Variants in LCP2 observed in about 807,000 individuals in gnomAD.
LCP2 encodes the protein lymphocyte cytosolic protein 2.
In LCP2, 29 loss-of-function variants were observed where a neutral mutation model predicts 74.5. The ratio of observed to expected loss-of-function variants is 0.39; its 90% CI spans 0.29 to 0.53. The LOEUF (loss-of-function observed/expected upper bound fraction) is 0.53. Ranked by LOEUF, LCP2 falls within the 20% of genes least tolerant of loss-of-function variation. LCP2 has a pLI of 0.72. For synonymous variants in LCP2, 228 were observed against 229.5 expected, an observed-to-expected ratio of 0.99 and a Z score of 0.06; for missense variants, 604 against 634.6, an observed-to-expected ratio of 0.95 and a Z score of 0.52.
In LCP2 at chr5:170,266,997, C is replaced by G; in HGVS notation, c.688+12G>C. 1.2e-6 allele frequency: 2 copies of G among 1,613,834 alleles called. No homozygotes were observed. The highest frequency in any genetic ancestry group is 1.1e-5 in the South Asian group (1 of 91,072). ...TGGGAACAGGGCAAGAGAGAGCAGC[C>G]CTTGTACTCACGCTTTGCCGTTTTG... On this transcript the variant is annotated intron_variant, in intron 9 of 20. Transcript: ENST00000046794.
At chr5:170,297,070 T>C (rs1762402928) in intron 1 of LCP2, among the ~76,000 whole-genome samples, 1 of 152,188 alleles carries the variant, frequency 6.6e-6, no homozygotes, top group Non-Finnish European at 1.5e-5. Context: ...GTAGCGTTGA[T>C]CTCATTAGCA....
At chr5:170,295,267 A>G (rs1468253061) in intron 1 of LCP2, among the ~76,000 whole-genome samples, 2 of 152,252 alleles carry the variant, frequency 1.3e-5, no homozygotes, top group Non-Finnish European at 2.9e-5. Context: ...CGAGGTACCC[A>G]TGTCAGAGAC....
chr5:170,285,080 A>G (rs906941608), intron 3 of LCP2, among the ~76,000 whole-genome samples: 1 of 151,884 alleles, frequency 6.6e-6, no homozygotes, highest in Admixed American at 6.6e-5. Flanking sequence ...GTTTTGTTTT[A>G]GTTTTTTTTC....
intron 1 of LCP2, among the ~76,000 whole-genome samples, chr5:170,295,774 C>T (rs1047500508): frequency 2.0e-5 from 3 of 152,190 alleles, no homozygotes; most frequent in Non-Finnish European, 4.4e-5. Flanking sequence ...ACTAGAACTT[C>T]CAGGATCACA....
chr5:170,274,116 G>T, intron 6 of LCP2, 185 bp downstream of exon 6: 1 of 613,828 alleles, frequency 1.6e-6, no homozygotes, highest in Non-Finnish European at 2.9e-6. Flanking sequence ...GACAGAGAGT[G>T]CATGGCTCCC....
chr5:170,258,488 T>G (rs1031812720), intron 15 of LCP2: 1 of 345,696 alleles, frequency 2.9e-6, no homozygotes, highest in African/African-American at 2.1e-5. Context: ...CAGAAATGAT[T>G]TACAAGTTTT....
At chr5:170,288,351 G>T (rs1762221275) in intron 2 of LCP2, among the ~76,000 whole-genome samples, 1 of 152,174 alleles carries the variant, frequency 6.6e-6, no homozygotes, top group African/African-American at 2.4e-5. Context: ...CGTTGTGTGG[G>T]CTGCATTTGG....
chr5:170,254,723 T>C (rs1450293009), intron 17 of LCP2, among the ~76,000 whole-genome samples: 2 of 152,226 alleles, frequency 1.3e-5, no homozygotes, highest in African/African-American at 2.4e-5. Context: ...AATGATTCTC[T>C]TTCTGCCTCT....
Position 170,256,090 on chromosome 5 carries a change from G to C in LCP2, c.1150+436C>G, listed in dbSNP as rs1404527554. 6.6e-6 allele frequency among the ~76,000 whole-genome samples: 1 copy of C among 152,178 alleles called. No individual in the cohort carries two copies. Among genetic ancestry groups the C allele is most frequent in the Admixed American group, 6.5e-5 (1 of 15,278 alleles). ...GGATTCCGTAGGGAAACCGGAGCTG[G>C]AGGAATAGTTCTGCACAGGAAGATT... On this transcript the variant is annotated intron_variant, in intron 17 of 20. Coordinates refer to ENST00000046794, the MANE Select transcript of LCP2 (RefSeq NM_005565.5). The surrounding 1 kb of genome is among the most constrained non-coding windows in gnomAD (Gnocchi z 4.5).
At chr5:170,279,801 G>C (rs982965040) in intron 3 of LCP2, among the ~76,000 whole-genome samples, 24 of 152,350 alleles carry the variant, frequency 1.6e-4, no homozygotes, top group African/African-American at 5.8e-4. Context: ...GTGGGGGTAT[G>C]CGGGGCCTTA....
rs10039796 is a variant in LCP2 at position 170,248,161 on chromosome 5, G to T, written c.*536C>A. The T allele has an allele frequency of 2.0e-4, 30 of 152,330 alleles. No individual in the cohort carries two copies. The highest frequency in any genetic ancestry group is 7.0e-4 in the African/African-American group (29 of 41,460). 9.4% of individuals were successfully genotyped at this position (152,330 alleles called of 1,614,324 possible). A position where few individuals can be genotyped will look rare whatever the true frequency, so the allele number is the denominator to read the frequency against. On this transcript the variant is annotated 3_prime_UTR_variant, in exon 21 of 21. Coordinates refer to ENST00000046794, the MANE Select transcript of LCP2 (RefSeq NM_005565.5). ...TTTCATAAAAAAATTACGTAAAAAT[G>T]CCCCCAGGAAAAAATACTAAATAAG...
chr5:170,267,587 C>T (rs556293793), intron 8 of LCP2, among the ~76,000 whole-genome samples: 24 of 151,844 alleles, frequency 1.6e-4, no homozygotes, highest in African/African-American at 4.4e-4. Flanking sequence ...ACCTCCCCCC[C>T]CCATACCGTC....
intron 6 of LCP2, among the ~76,000 whole-genome samples, chr5:170,271,167 C>T (rs1245823031): frequency 6.6e-6 from 1 of 152,118 alleles, no homozygotes; most frequent in Non-Finnish European, 1.5e-5. Flanking sequence ...CACCTTTCTG[C>T]ACAACAGAGA....
At chr5:170,280,639 A>G (rs35236229) in intron 3 of LCP2, among the ~76,000 whole-genome samples, 7,633 of 152,252 alleles carry the variant, frequency 0.05, 248 homozygotes, top group South Asian at 0.089. Context: ...GTAGTTTTAC[A>G]TGGAGTGTTT....
At chr5:170,250,983 T>G in intron 19 of LCP2, 98 bp from the exon 20 acceptor site, 2 of 928,332 alleles carry the variant, frequency 2.2e-6, no homozygotes, top group Non-Finnish European at 3.3e-6. Flanking sequence ...CTGACAAACA[T>G]GTCAGTTGCA....
intron 3 of LCP2, among the ~76,000 whole-genome samples, chr5:170,283,280 T>C (rs1212916650): frequency 6.6e-6 from 1 of 152,172 alleles, no homozygotes; most frequent in Non-Finnish European, 1.5e-5. Context: ...ATTCGCAATG[T>C]GTTGATAATT....
intron 3 of LCP2, chr5:170,287,755 G>A (rs925302554): frequency 1.7e-6 from 1 of 588,636 alleles, no homozygotes; most frequent in African/African-American, 1.9e-5. Context: ...TTTGGCAAGA[G>A]CATCCAGGTC....
At chr5:170,263,904 T>G (rs1185128491) in intron 10 of LCP2, among the ~76,000 whole-genome samples, 1 of 152,200 alleles carries the variant, frequency 6.6e-6, no homozygotes, top group Non-Finnish European at 1.5e-5. Flanking sequence ...GGCACTTGAT[T>G]GTGAAAGTTG....
chr5:170,275,587 G>A (rs1161905043), intron 4 of LCP2: 6 of 644,252 alleles, frequency 9.3e-6, no homozygotes, highest in African/African-American at 3.7e-5. Flanking sequence ...TGCTGTAGAG[G>A]AAGTTCCCCT....
Sources: allele counts gnomAD v4.1 joint callset (sites outside exome capture counted in the v4.1 genomes callset), GRCh38; gene constraint gnomAD v4.1.1; non-coding constraint Gnocchi (gnomAD v3.1); transcripts MANE v1.5; gene names NCBI Gene and HGNC (gene_info 2026-07-23, HGNC 2026-07-21).